WFS1: variants seen among roughly 807,000 people sequenced by gnomAD.
The protein encoded by WFS1 is wolframin ER transmembrane glycoprotein.
In WFS1, 90 loss-of-function variants were observed where a neutral mutation model predicts 68.5. The ratio of observed to expected loss-of-function variants is 1.31; its 90% CI spans 1.11 to 1.56. WFS1 has a LOEUF of 1.56. WFS1 is among the 40% of genes most tolerant of loss of function. The probability of loss-of-function intolerance (pLI) is 0.00; values close to 1 mark genes in which losing one functional copy is unlikely to be tolerated. For missense variants in WFS1, 1,767 were observed against 1,232.6 expected (o/e 1.43, Z -6.49); for synonymous variants, 860 against 540.7 (o/e 1.59, Z -8.19).
At position 6,287,260 on chromosome 4, in the gene WFS1, A is replaced by C. The variant is rs1730341619; in HGVS notation, c.315+85A>C. ...CCACGAGCTCCACAGCCCACAGAGA[A>C]GTGTCGGTGCCTGAGATCGGGGTCA... is the stretch of plus-strand genomic sequence containing the variant. On this transcript the variant is annotated intron_variant, in intron 3 of 7. Coordinates refer to ENST00000226760, the MANE Select transcript of WFS1 (RefSeq NM_006005.3). The surrounding 1 kb of genome is among the most constrained non-coding windows in gnomAD (Gnocchi z 6.4). The C allele has an allele frequency of 1.6e-6, 2 of 1,257,306 alleles. No individual in the cohort carries two copies. Among genetic ancestry groups the C allele is most frequent in the East Asian group, 5.1e-5 (2 of 39,432 alleles). 77.9% of individuals were successfully genotyped at this position (1,257,306 alleles called of 1,614,324 possible).
chr4:6,295,739 G>C (rs1432380501), intron 7 of WFS1, among the ~76,000 whole-genome samples: 2 of 152,258 alleles, frequency 1.3e-5, no homozygotes, highest in African/African-American at 4.8e-5. Context: ...GAGGACATGA[G>C]CAGCTTTGGC....
chr4:6,286,918 A>T (rs1212787336), intron 2 of WFS1, among the ~76,000 whole-genome samples, 175 bp from the exon 3 acceptor site: 1 of 152,218 alleles, frequency 6.6e-6, no homozygotes, highest in African/African-American at 2.4e-5. Flanking sequence ...GAAGGCAAAC[A>T]GTGGCTTTCT....
chr4:6,300,319 G>A (rs1730832210), intron 7 of WFS1, among the ~76,000 whole-genome samples: 1 of 152,196 alleles, frequency 6.6e-6, no homozygotes, highest in Non-Finnish European at 1.5e-5. Context: ...GACCCTGAGG[G>A]GAGGGAAGTG....
chr4:6,288,922 T>C, intron 3 of WFS1, 65 bp from the exon 4 acceptor site: 1 of 1,577,986 alleles, frequency 6.3e-7, no homozygotes, highest in African/African-American at 1.3e-5. Context: ...GGAGGTGGGC[T>C]GGCAGGGAGC....
At position 6,301,535 on chromosome 4, in the gene WFS1, G is replaced by C; in HGVS notation, c.1740G>C (p.Val580=). The C allele has an allele frequency of 6.2e-7, 1 of 1,614,018 alleles. No individual in the cohort carries two copies. The highest frequency in any genetic ancestry group is 8.5e-7 in the Non-Finnish European group (1 of 1,180,042). Residue 580 remains valine, a synonymous_variant, in exon 8 of 8, where the codon GTG becomes GTC. Coordinates refer to ENST00000226760, the MANE Select transcript of WFS1 (RefSeq NM_006005.3). The part of the protein sequence containing the change: ...LPILVAGLAL[V]GVLQFARWFT... The stretch of plus-strand genomic sequence containing the variant: ...TCCTGGTGGCCGGCCTGGCCCTGGT[G>C]GGCGTGCTGCAGTTCGCCCGGTGGT...
At chr4:6,272,037 C>G (rs1013632217) in intron 1 of WFS1, among the ~76,000 whole-genome samples, 1 of 152,234 alleles carries the variant, frequency 6.6e-6, no homozygotes, top group African/African-American at 2.4e-5. Context: ...TCCCAGCTTG[C>G]CTGGCTCCTG....
Position 6,302,486 on chromosome 4 carries a change from G to A in WFS1, c.*18G>A, listed in dbSNP as rs762018667. ...CGGCCTGAGGATGGTCCGCCACGAG[G>A]AGCTTCCAGTGCATGTTGCCATGAG... On this transcript the variant is annotated 3_prime_UTR_variant, in exon 8 of 8. Transcript: ENST00000226760. The A allele has an allele frequency of 4.3e-6, 7 of 1,611,854 alleles. No individual in the cohort carries two copies.
In WFS1 at chr4:6,287,880, C is replaced by T. The variant is rs1730358279; in HGVS notation, c.315+705C>T. 6.6e-6 allele frequency among the ~76,000 whole-genome samples: 1 copy of T among 152,192 alleles called. No individual in the cohort carries two copies. On this transcript the variant is annotated intron_variant, in intron 3 of 7. Transcript: ENST00000226760. This position sits in a 1 kb window ranked among gnomAD's most constrained non-coding sequence, Gnocchi z 6.4. ...TATCCTGAGCAGTTTCCTGCCCCCT[C>T]TTCTCCCTAAAGAGGAGAAAAGCTT...
Position 6,300,948 on chromosome 4 carries a change from G to C in WFS1, c.1153G>C (p.Glu385Gln). 4 of 1,613,944 alleles carry C rather than the reference G, an allele frequency of 2.5e-6. No individual in the cohort carries two copies. The highest frequency in any genetic ancestry group is 3.4e-6 in the Non-Finnish European group (4 of 1,180,004). Reference protein sequence around the residue: ...RTLTDLLLRFEPNLDVEQAEV... With the variant: ...RTLTDLLLRFQPNLDVEQAEV... The stretch of plus-strand genomic sequence containing the variant: ...CCTCACCGACCTGCTGCTGCGCTTC[G>C]AGCCCAACCTGGATGTGGAGCAGGC... The change falls in exon 8 of 8, where the codon GAG becomes CAG. Residue 385 changes from glutamate to glutamine, a missense_variant. By Grantham distance (29) the Glu-to-Gln change is conservative (BLOSUM62 2). Coordinates refer to ENST00000226760, the MANE Select transcript of WFS1 (RefSeq NM_006005.3).
At position 6,302,081 on chromosome 4, in the gene WFS1, G is replaced by A. The variant is rs200663929; in HGVS notation, c.2286G>A (p.Lys762=). 21 of 1,612,904 alleles carry A rather than the reference G, an allele frequency of 1.3e-5. No individual in the cohort carries two copies. Among genetic ancestry groups the A allele is most frequent in the Admixed American group, 1.0e-4 (6 of 60,032 alleles). Residue 762 remains lysine, a synonymous_variant, in exon 8 of 8, where the codon AAG becomes AAA. Coordinates refer to ENST00000226760, the MANE Select transcript of WFS1 (RefSeq NM_006005.3). ...TCTGTCGCCTTAAGCTGCTGGCCAA[G>A]CACCCCTGCCACATCAAGAAGTTCG... ...EELCRLKLLA[K]HPCHIKKFDR...
Position 6,301,662 on chromosome 4 carries a change from ATGG to A in WFS1, c.1870_1872del (p.Val624del). The A allele has an allele frequency of 6.2e-7, 1 of 1,613,856 alleles. No homozygotes were observed. Among genetic ancestry groups the A allele is most frequent in the Non-Finnish European group, 8.5e-7 (1 of 1,179,966 alleles). ...CAAGGCCAGCTTCTCTGTGGTGGGG[ATGG>A]TGAAGTCCCTGACGCGGAGCTCCAT... On this transcript the variant is annotated inframe_deletion, in exon 8 of 8. Transcript: ENST00000226760.
Position 6,287,857 on chromosome 4 carries a change from T to C in WFS1, c.315+682T>C, listed in dbSNP as rs921349949. ...GGGCTCAAGCAAGTGACCACAGTTA[T>C]CCTGAGCAGTTTCCTGCCCCCTCTT... On this transcript the variant is annotated intron_variant, in intron 3 of 7. Transcript: ENST00000226760. This position sits in a 1 kb window ranked among gnomAD's most constrained non-coding sequence, Gnocchi z 6.4. Among the ~76,000 whole-genome samples the C allele has an allele frequency of 6.6e-6, 1 of 152,170 alleles. No homozygotes were observed. Among genetic ancestry groups the C allele is most frequent in the Admixed American group, 6.5e-5 (1 of 15,270 alleles).
chr4:6,297,607 T>C (rs548823004), intron 7 of WFS1, among the ~76,000 whole-genome samples: 1 of 152,192 alleles, frequency 6.6e-6, no homozygotes, highest in African/African-American at 2.4e-5. Flanking sequence ...CAGCCTGCCT[T>C]CTTCACGGGT....
intron 7 of WFS1, among the ~76,000 whole-genome samples, chr4:6,297,676 C>T (rs903837401): frequency 3.9e-5 from 6 of 152,046 alleles, no homozygotes; most frequent in South Asian, 2.1e-4. Flanking sequence ...GCAGAAGGGC[C>T]GATCACCACA....
chr4:6,295,690 G>A (rs1161944799), intron 7 of WFS1, among the ~76,000 whole-genome samples: 1 of 152,256 alleles, frequency 6.6e-6, no homozygotes. Flanking sequence ...TGGGAGCGTG[G>A]TGGGTGACAC....
chr4:6,302,725 C>T lies in WFS1; in HGVS notation c.*257C>T, dbSNP rs1731004318. 2 of 591,912 alleles carry T rather than the reference C, an allele frequency of 3.4e-6. No homozygotes were observed. The highest frequency in any genetic ancestry group is 2.9e-5 in the East Asian group (1 of 34,318). 36.7% of individuals were successfully genotyped at this position (591,912 alleles called of 1,614,324 possible). A position where few individuals can be genotyped will look rare whatever the true frequency, so the allele number is the denominator to read the frequency against. On this transcript the variant is annotated 3_prime_UTR_variant, in exon 8 of 8. Transcript: ENST00000226760. ...CCCTGAGCCTGACCTTTCTGAGTGA[C>T]ATGGGTGTGCCAGGCTAGACTAGGA...
chr4:6,300,654 C>T lies in WFS1; in HGVS notation c.862-3C>T, dbSNP rs201889635. On this transcript the variant is annotated splice_polypyrimidine_tract_variant and splice_region_variant and intron_variant, in intron 7 of 7. Transcript: ENST00000226760. ...TCGTTCCCACGTACCATCTTTCCCC[C>T]AGGTGGTCAAGTACCCCCTGCACGC... 6 of 1,613,918 alleles carry T rather than the reference C, an allele frequency of 3.7e-6. No homozygotes were observed. Among genetic ancestry groups the T allele is most frequent in the East Asian group, 2.2e-5 (1 of 44,870 alleles).
chr4:6,300,855 T>C lies in WFS1; in HGVS notation c.1060T>C (p.Phe354Leu). ...CCCGCTGGTCATCTTCTACCTGTCC[T>C]TCATCTCCATGGTGATCTGCACCCT... ...FIPLVIFYLSFISMVICTLKV... is the reference protein window; with the variant it reads ...FIPLVIFYLSLISMVICTLKV... Residue 354 changes from phenylalanine (F) to leucine (L), a missense_variant, in exon 8 of 8, where the codon TTC (phenylalanine) becomes CTC (leucine). Phe to Leu is a conservative substitution (Grantham distance 22). Coordinates refer to ENST00000226760, the MANE Select transcript of WFS1 (RefSeq NM_006005.3). 6.2e-7 allele frequency: 1 copy of C among 1,614,038 alleles called. No homozygotes were observed. The highest frequency in any genetic ancestry group is 1.1e-5 in the South Asian group (1 of 91,060).
chr4:6,295,622 A>G (rs751189937), intron 7 of WFS1, among the ~76,000 whole-genome samples: 23 of 152,222 alleles, frequency 1.5e-4, no homozygotes, highest in Non-Finnish European at 2.6e-4. Context: ...GCCAGGGAGG[A>G]CGTGCAGAGG....
Sources: gnomAD v4.1 joint callset for allele counts (sites outside exome capture counted in the v4.1 genomes callset) on GRCh38, gnomAD v4.1.1 for gene constraint, Gnocchi (gnomAD v3.1) non-coding constraint, MANE v1.5 for transcripts, NCBI Gene and HGNC (gene_info 2026-07-23, HGNC 2026-07-21) for gene names.